The following TTC13 variants were observed in gnomAD, a reference collection of about 807,000 sequenced individuals.
TTC13 encodes tetratricopeptide repeat protein 13.
Under a neutral mutation model 120.0 loss-of-function variants are expected in TTC13, and 62 were observed. That is an observed-to-expected ratio of 0.52 (90% CI 0.42 to 0.64). The LOEUF is 0.64. TTC13 is among the 30% of genes least tolerant of loss of function. The pLI is 0.00. For missense variants in TTC13, 824 were observed against 1,050.2 expected (o/e 0.78, Z 2.98); for synonymous variants, 384 against 393.5 (o/e 0.98, Z 0.28).
intron 12 of TTC13, among the ~76,000 whole-genome samples, chr1:230,927,083 CT>C (rs1339025036): frequency 1.3e-5 from 2 of 152,192 alleles, no homozygotes; most frequent in African/African-American, 4.8e-5. Context: ...TTTGTTTATA[CT>C]GCTGTATAAT....
chr1:230,959,531 G>A (rs893368936), intron 2 of TTC13, among the ~76,000 whole-genome samples: 61 of 152,252 alleles, frequency 4.0e-4, no homozygotes, highest in Non-Finnish European at 6.9e-4. Flanking sequence ...ACAGGCATGC[G>A]CCACCACCCC....
At chr1:230,965,221 T>C (rs1455537357) in intron 1 of TTC13, among the ~76,000 whole-genome samples, 1 of 152,108 alleles carries the variant, frequency 6.6e-6, no homozygotes, top group East Asian at 1.9e-4. Flanking sequence ...ATTTGCAAAC[T>C]ACCCCTCTGA....
chr1:230,963,323 C>T (rs1676815567), intron 1 of TTC13, among the ~76,000 whole-genome samples: 1 of 152,066 alleles, frequency 6.6e-6, no homozygotes, highest in Non-Finnish European at 1.5e-5. Context: ...TTAAATTTCA[C>T]AAGGCATAAG....
intron 12 of TTC13, 117 bp downstream of exon 12, chr1:230,928,820 G>T: frequency 1.0e-6 from 1 of 954,636 alleles, no homozygotes; most frequent in Non-Finnish European, 1.5e-6. Context: ...TGAACTCCTG[G>T]CCCCAGGCAA....
chr1:230,969,469 A>T (rs1677501054), intron 1 of TTC13, among the ~76,000 whole-genome samples: 1 of 152,198 alleles, frequency 6.6e-6, no homozygotes, highest in Admixed American at 6.5e-5. Context: ...TGATTTTCAT[A>T]TTTATTATAC....
At chr1:230,961,401 T>C (rs1381798136) in intron 1 of TTC13, 98 bp from the exon 2 acceptor site, 26 of 847,714 alleles carry the variant, frequency 3.1e-5, no homozygotes, top group Non-Finnish European at 4.7e-5. Context: ...AGAACCAAAA[T>C]AAGAACAGGT....
At chr1:230,918,106 G>T (rs1434375233) in intron 17 of TTC13, among the ~76,000 whole-genome samples, 1 of 152,184 alleles carries the variant, frequency 6.6e-6, no homozygotes, top group African/African-American at 2.4e-5. Context: ...TGAAGAACAT[G>T]TTTATCATTT....
chr1:230,929,133 C>G, intron 11 of TTC13, 40 bp from the exon 12 acceptor site: 1 of 1,578,140 alleles, frequency 6.3e-7, no homozygotes, highest in Non-Finnish European at 8.6e-7. Context: ...CCAAATACTG[C>G]TAAAGAAACT....
chr1:230,958,961 C>A (rs927931321), intron 2 of TTC13, among the ~76,000 whole-genome samples: 18 of 152,092 alleles, frequency 1.2e-4, no homozygotes. Flanking sequence ...TGCCACTGTA[C>A]CCCCAGCCTG....
chr1:230,958,078 C>A (rs1260354878), intron 3 of TTC13, 146 bp downstream of exon 3: 2 of 587,886 alleles, frequency 3.4e-6, no homozygotes, highest in Non-Finnish European at 5.5e-6. Flanking sequence ...TGGAATGTCA[C>A]AAGGGCTGAA....
chr1:230,974,519 A>G (rs1678074641), intron 1 of TTC13, among the ~76,000 whole-genome samples: 2 of 152,234 alleles, frequency 1.3e-5, no homozygotes, highest in Admixed American at 1.3e-4. Context: ...AACATGCTAC[A>G]GGTCTGTAGC....
chr1:230,929,172 T>G (rs1673311091), intron 11 of TTC13, 79 bp from the exon 12 acceptor site: 19 of 1,402,870 alleles, frequency 1.4e-5, no homozygotes, highest in Non-Finnish European at 1.8e-5. Context: ...ATACAAATAC[T>G]TTGTAACAAG....
rs543522055 is a variant in TTC13 at position 230,925,735 on chromosome 1, C to T, written c.1458-88G>A. 8.8e-5 allele frequency: 129 copies of T among 1,461,066 alleles called. No homozygotes were observed. The African/African-American group carries it at 1.6e-3, about 18-fold the overall frequency. The allele number at this position is 1,461,066 out of a possible 1,614,324, so 90.5% of individuals were successfully genotyped here. ...ACCTGAGAAGCAGTCACTTCCTCCACGGGAAAACTAATGAAGCAGTCTACG... is the reference window on the plus strand; with the variant it reads ...ACCTGAGAAGCAGTCACTTCCTCCATGGGAAAACTAATGAAGCAGTCTACG... On this transcript the variant is annotated intron_variant, in intron 12 of 22. Transcript: ENST00000366661.
intron 18 of TTC13, among the ~76,000 whole-genome samples, chr1:230,913,097 A>G (rs1478681484): frequency 6.6e-6 from 1 of 152,212 alleles, no homozygotes; most frequent in African/African-American, 2.4e-5. Context: ...AATATTTTCT[A>G]AGCCACCCCA....
intron 4 of TTC13, among the ~76,000 whole-genome samples, chr1:230,949,709 G>A (rs770254079): frequency 9.9e-5 from 15 of 152,074 alleles, no homozygotes; most frequent in Non-Finnish European, 2.1e-4. Flanking sequence ...GCAGTGGCGC[G>A]ATCTTGGCTC....
chr1:230,956,009 AG>A (rs1160123456), intron 3 of TTC13, among the ~76,000 whole-genome samples: 2 of 152,244 alleles, frequency 1.3e-5, no homozygotes, highest in Non-Finnish European at 2.9e-5. Flanking sequence ...CAGTGGCTAC[AG>A]GCATTGCATT....
chr1:230,920,494 C>T lies in TTC13; in HGVS notation c.1983+16G>A. 1 of 1,593,996 alleles carries T rather than the reference C, an allele frequency of 6.3e-7. No homozygotes were observed. Among genetic ancestry groups the T allele is most frequent in the Non-Finnish European group, 8.6e-7 (1 of 1,162,992 alleles). ...TCCTCTAAAAACATGGACTGCCATT[C>T]TGATGCTAAAGTTACCTTCATAATC... is the stretch of plus-strand genomic sequence containing the variant. On this transcript the variant is annotated intron_variant, in intron 17 of 22. Transcript: ENST00000366661.
At chr1:230,964,770 A>G (rs1676969718) in intron 1 of TTC13, among the ~76,000 whole-genome samples, 1 of 152,230 alleles carries the variant, frequency 6.6e-6, no homozygotes, top group South Asian at 2.1e-4. Context: ...TGGTACTGGC[A>G]TAAAAACAGA....
At position 230,944,252 on chromosome 1, in the gene TTC13, A is replaced by G. The variant is rs1361686480; in HGVS notation, c.580-354T>C. On this transcript the variant is annotated intron_variant, in intron 5 of 22. Coordinates refer to ENST00000366661, the MANE Select transcript of TTC13 (RefSeq NM_024525.5). The surrounding 1 kb of genome is among the most constrained non-coding windows in gnomAD (Gnocchi z 4.0). ...ACATGAAATGAGGCTGACCTGTGGCAACAGGGGAACAGAAATGGGTCAAGA... is the reference window on the plus strand; with the variant it reads ...ACATGAAATGAGGCTGACCTGTGGCGACAGGGGAACAGAAATGGGTCAAGA... Among the ~76,000 whole-genome samples, 2 of 152,222 alleles carry G rather than the reference A, an allele frequency of 1.3e-5. No homozygotes were observed. Among genetic ancestry groups the G allele is most frequent in the East Asian group, 3.8e-4 (2 of 5,202 alleles).
Sources: allele counts gnomAD v4.1 joint callset (sites outside exome capture counted in the v4.1 genomes callset), GRCh38; gene constraint gnomAD v4.1.1; non-coding constraint Gnocchi (gnomAD v3.1); transcripts MANE v1.5; gene names NCBI Gene and HGNC (gene_info 2026-07-23, HGNC 2026-07-21).